The following XKR9 variants were observed in gnomAD, a reference collection of about 807,000 sequenced individuals.
XKR9 encodes XK related 9.
Under a neutral mutation model 32.0 loss-of-function variants are expected in XKR9, and 32 were observed. The observed-to-expected ratio is 1.00, with a 90% confidence interval of 0.76 to 1.34. XKR9 has a LOEUF of 1.34. XKR9 is among the 40% of genes most tolerant of loss of function. The pLI is 0.00. For synonymous variants in XKR9, 168 were observed against 143.4 expected (o/e 1.17, Z -1.22); for missense variants, 546 against 429.7 (o/e 1.27, Z -2.39).
At chr8:70,739,680 C>T (rs890076704), downstream of XKR9, among the ~76,000 whole-genome samples, 3 of 152,098 alleles carry the variant, frequency 2.0e-5, no homozygotes, top group Non-Finnish European at 4.4e-5. Flanking sequence ...CAAAATCTCT[C>T]AGCATTTGCT....
the XKR9 span, among the ~76,000 whole-genome samples, chr8:70,966,313 A>G: frequency 2.6e-5 from 4 of 151,954 alleles, no homozygotes; most frequent in African/African-American, 9.7e-5. Flanking sequence ...CAGTGGCGCA[A>G]TTTCGGCTCA....
chr8:70,982,907 T>C, the XKR9 span, among the ~76,000 whole-genome samples: 1 of 152,230 alleles, frequency 6.6e-6, no homozygotes, highest in Non-Finnish European at 1.5e-5. Flanking sequence ...TCTGTATCAT[T>C]ATTGGGACTA....
At chr8:70,970,503 G>A in the XKR9 span, among the ~76,000 whole-genome samples, 1 of 151,962 alleles carries the variant, frequency 6.6e-6, no homozygotes. Flanking sequence ...AGTGTGTGAT[G>A]TTTCCCTCCC....
chr8:70,967,065 C>CTTTTTTTTTTTTTTTTTTTTTTTTTT, the XKR9 span, among the ~76,000 whole-genome samples: 2 of 101,282 alleles, frequency 2.0e-5, no homozygotes, highest in African/African-American at 4.2e-5. Context: ...GATCTTGACT[C>CTTTTTTTTTTTTTTTTTTTTTTTTTT]TTTTTTTTTT....
the XKR9 span, among the ~76,000 whole-genome samples, chr8:70,800,860 G>C: frequency 6.6e-6 from 1 of 151,956 alleles, no homozygotes; most frequent in Non-Finnish European, 1.5e-5. Context: ...TGTGTTCAGG[G>C]ATTCAATTTC....
intron 2 of XKR9, among the ~76,000 whole-genome samples, chr8:70,741,657 G>T (rs1278301714): frequency 6.6e-6 from 1 of 152,108 alleles, no homozygotes; most frequent in Non-Finnish European, 1.5e-5. Flanking sequence ...ATGGATTGAT[G>T]AATGGATATT....
the XKR9 span, among the ~76,000 whole-genome samples, chr8:71,027,804 A>T: frequency 1.4e-5 from 2 of 145,816 alleles, no homozygotes; most frequent in African/African-American, 2.6e-5. Flanking sequence ...TCACTCCGTC[A>T]TCCAGGCTGG....
At chr8:70,728,077 CT>C (rs1411832018) in intron 4 of XKR9, among the ~76,000 whole-genome samples, 1 of 152,150 alleles carries the variant, frequency 6.6e-6, no homozygotes, top group Admixed American at 6.5e-5. Flanking sequence ...GGCCTGTTAT[CT>C]TTTTTTAAAC....
At chr8:71,028,925 A>AGAGT in the XKR9 span, among the ~76,000 whole-genome samples, 83 of 152,116 alleles carry the variant, frequency 5.5e-4, no homozygotes, top group African/African-American at 1.9e-3. Context: ...AGAGAGAGAG[A>AGAGT]CAGAGAAATT....
chr8:71,047,902 GTTACTAAAAGCCA>G, the XKR9 span, among the ~76,000 whole-genome samples: 8 of 152,196 alleles, frequency 5.3e-5, no homozygotes, highest in Admixed American at 5.2e-4. Context: ...GTAACTTGGA[GTTACTAAAAGCCA>G]TTAGCTTTGA....
intron 2 of XKR9, among the ~76,000 whole-genome samples, chr8:70,748,338 C>T (rs1807086646): frequency 6.6e-6 from 1 of 152,216 alleles, no homozygotes. Flanking sequence ...GCCCAGGAAG[C>T]CCCCTTCCCC....
At chr8:70,853,926 A>G in the XKR9 span, among the ~76,000 whole-genome samples, 2 of 152,122 alleles carry the variant, frequency 1.3e-5, no homozygotes, top group Admixed American at 6.5e-5. Context: ...CCAGTCTATC[A>G]TTGTTGGACG....
At chr8:70,812,069 A>G in the XKR9 span, among the ~76,000 whole-genome samples, 14 of 152,192 alleles carry the variant, frequency 9.2e-5, no homozygotes, top group African/African-American at 3.4e-4. Flanking sequence ...CGAATCCAGC[A>G]GCACATCAAA....
the XKR9 span, among the ~76,000 whole-genome samples, chr8:70,874,930 T>C: frequency 1.3e-5 from 2 of 152,198 alleles, no homozygotes; most frequent in Non-Finnish European, 2.9e-5. Context: ...TTGAGTTTTA[T>C]TGATTCTGGT....
the XKR9 span, among the ~76,000 whole-genome samples, chr8:70,904,487 A>C: frequency 6.6e-6 from 1 of 151,848 alleles, no homozygotes; most frequent in Admixed American, 6.6e-5. Flanking sequence ...ATCTTCCTCC[A>C]TCCCTTTATT....
At chr8:70,856,477 T>C in the XKR9 span, among the ~76,000 whole-genome samples, 1 of 151,646 alleles carries the variant, frequency 6.6e-6, no homozygotes, top group Non-Finnish European at 1.5e-5. Flanking sequence ...ATAAAGCAAG[T>C]CCTTAGAGAC....
intron 4 of XKR9, among the ~76,000 whole-genome samples, chr8:70,729,215 C>T (rs538298581): frequency 3.2e-4 from 49 of 152,180 alleles, no homozygotes; most frequent in African/African-American, 8.9e-4. Context: ...ACTATACTGC[C>T]GTAAGTTGAG....
chr8:71,048,401 T>C, the XKR9 span, among the ~76,000 whole-genome samples: 4 of 152,150 alleles, frequency 2.6e-5, no homozygotes, highest in East Asian at 1.9e-4. Flanking sequence ...TTTAAGGTAA[T>C]AGAAATCTAT....
the XKR9 span, among the ~76,000 whole-genome samples, chr8:70,880,093 A>G: frequency 2.0e-5 from 3 of 152,076 alleles, no homozygotes; most frequent in Non-Finnish European, 4.4e-5. Flanking sequence ...GCTAAAAACT[A>G]TCAATAAACT....
Sources: allele counts gnomAD v4.1 joint callset (sites outside exome capture counted in the v4.1 genomes callset), GRCh38; gene constraint gnomAD v4.1.1; transcripts MANE v1.5; gene names NCBI Gene and HGNC (gene_info 2026-07-23, HGNC 2026-07-21).